The following ERBB4 variants were observed in gnomAD, a reference collection of about 807,000 sequenced individuals.
ERBB4 encodes the protein erb-b2 receptor tyrosine kinase 4.
Under a neutral mutation model 158.0 loss-of-function variants are expected in ERBB4, and 42 were observed. The ratio of observed to expected loss-of-function variants is 0.27; its 90% CI spans 0.21 to 0.34. The LOEUF (loss-of-function observed/expected upper bound fraction) is 0.34, where lower values mean the gene tolerates loss of function less well. ERBB4 is among the 10% of genes least tolerant of loss of function. The pLI, the probability that ERBB4 is intolerant of heterozygous loss-of-function variation, is 1.00. For missense variants in ERBB4, 1,333 were observed against 1,624.1 expected, an observed-to-expected ratio of 0.82 and a Z score of 3.08; for synonymous variants, 583 against 558.7, an observed-to-expected ratio of 1.04 and a Z score of -0.61.
intron 1 of ERBB4, among the ~76,000 whole-genome samples, chr2:212,371,746 G>C (rs989533579): frequency 5.3e-5 from 8 of 152,108 alleles, no homozygotes; most frequent in African/African-American, 1.9e-4. Flanking sequence ...TGAGGAACCT[G>C]AGGATCAGCG....
chr2:211,675,315 G>A (rs966497784), intron 13 of ERBB4, among the ~76,000 whole-genome samples: 4 of 152,146 alleles, frequency 2.6e-5, no homozygotes, highest in Non-Finnish European at 5.9e-5. Flanking sequence ...CTGGGATCTA[G>A]TTTTTCCAAA....
chr2:212,452,691 T>C (rs1189958076), intron 1 of ERBB4, among the ~76,000 whole-genome samples: 1 of 152,124 alleles, frequency 6.6e-6, no homozygotes, highest in African/African-American at 2.4e-5. Context: ...CATTTAAAAC[T>C]GCATCTTACA....
intron 1 of ERBB4, among the ~76,000 whole-genome samples, chr2:212,296,754 T>A (rs2086427530): frequency 6.6e-6 from 1 of 151,898 alleles, no homozygotes; most frequent in Non-Finnish European, 1.5e-5. Context: ...GACTTTTAGG[T>A]GTTCACTAAG....
At chr2:212,192,483 C>T (rs967025471) in intron 1 of ERBB4, among the ~76,000 whole-genome samples, 7 of 151,850 alleles carry the variant, frequency 4.6e-5, no homozygotes, top group Non-Finnish European at 7.4e-5. Flanking sequence ...TGTGGTTTTC[C>T]ATGTACATTT....
intron 18 of ERBB4, among the ~76,000 whole-genome samples, chr2:211,620,210 G>A (rs1481505628): frequency 8.5e-5 from 13 of 152,096 alleles, no homozygotes; most frequent in Non-Finnish European, 1.6e-4. Context: ...ATGAGAGCAT[G>A]AGGACAAAAA....
chr2:211,761,638 G>T (rs1235786442), intron 4 of ERBB4, among the ~76,000 whole-genome samples: 1 of 152,042 alleles, frequency 6.6e-6, no homozygotes, highest in Non-Finnish European at 1.5e-5. Flanking sequence ...AAGTTCAGCA[G>T]TAAATGGGTC....
At chr2:211,712,326 T>C (rs2073731856) in intron 8 of ERBB4, 150 bp from the exon 9 acceptor site, 1 of 777,268 alleles carries the variant, frequency 1.3e-6, no homozygotes, top group Non-Finnish European at 2.0e-6. Context: ...AAAATAATTA[T>C]TCATTCGTTC....
At chr2:212,537,538 C>T (rs1347255654) in intron 1 of ERBB4, among the ~76,000 whole-genome samples, 1 of 152,070 alleles carries the variant, frequency 6.6e-6, no homozygotes, top group African/African-American at 2.4e-5. Flanking sequence ...TCGAGCTCTC[C>T]AGCAAGCAGT....
intron 20 of ERBB4, among the ~76,000 whole-genome samples, chr2:211,547,254 G>T (rs1194588540): frequency 6.6e-6 from 1 of 152,014 alleles, no homozygotes; most frequent in Non-Finnish European, 1.5e-5. Flanking sequence ...ATAAAAAGCT[G>T]TATTTTTAAA....
chr2:211,755,802 C>T (rs1043221178), intron 4 of ERBB4, among the ~76,000 whole-genome samples: 2 of 152,194 alleles, frequency 1.3e-5, no homozygotes, highest in African/African-American at 4.8e-5. Flanking sequence ...GATTCACTGT[C>T]TACCTCTGTA....
intron 20 of ERBB4, among the ~76,000 whole-genome samples, chr2:211,506,626 T>C (rs1043834187): frequency 6.6e-6 from 1 of 151,936 alleles, no homozygotes; most frequent in African/African-American, 2.4e-5. Flanking sequence ...CAAAAGTACA[T>C]GGAAACTAAA....
intron 3 of ERBB4, among the ~76,000 whole-genome samples, chr2:211,875,025 C>CAA (rs746636278): frequency 0.01 from 279 of 26,890 alleles, no homozygotes; most frequent in East Asian, 0.018. Context: ...AATAGAAATG[C>CAA]AAAAAAAAAA....
At chr2:212,472,393 T>C (rs1689158856) in intron 1 of ERBB4, among the ~76,000 whole-genome samples, 1 of 151,850 alleles carries the variant, frequency 6.6e-6, no homozygotes, top group Non-Finnish European at 1.5e-5. Context: ...GAAAGTAATA[T>C]AGCTTATTTG....
intron 1 of ERBB4, among the ~76,000 whole-genome samples, chr2:212,196,445 G>GGAGGCAGGA (rs1354065719): frequency 2.6e-5 from 4 of 151,866 alleles, no homozygotes; most frequent in Non-Finnish European, 5.9e-5. Flanking sequence ...AGGTGAAAGG[G>GGAGGCAGGA]GAGGCAGGAG....
chr2:211,888,444 CATA>C (rs1222668992), intron 3 of ERBB4, among the ~76,000 whole-genome samples: 9 of 152,200 alleles, frequency 5.9e-5, no homozygotes, highest in Non-Finnish European at 8.8e-5. Flanking sequence ...TTCACAATGG[CATA>C]ATATTTGTCA....
At chr2:212,053,991 G>A (rs1027188718) in intron 2 of ERBB4, among the ~76,000 whole-genome samples, 3 of 152,142 alleles carry the variant, frequency 2.0e-5, no homozygotes, top group Admixed American at 6.5e-5. Context: ...TGGCAGCTGA[G>A]AGAGAACAGA....
At chr2:212,036,416 A>G (rs2077013817) in intron 2 of ERBB4, among the ~76,000 whole-genome samples, 1 of 152,058 alleles carries the variant, frequency 6.6e-6, no homozygotes, top group Non-Finnish European at 1.5e-5. Flanking sequence ...GCTTATACAT[A>G]CAGCATTATA....
intron 20 of ERBB4, among the ~76,000 whole-genome samples, chr2:211,493,222 C>A (rs1477193598): frequency 6.6e-6 from 1 of 152,014 alleles, no homozygotes; most frequent in African/African-American, 2.4e-5. Flanking sequence ...ATTATTTATA[C>A]CATACTTTTC....
At chr2:211,898,452 A>C (rs1327481460) in intron 3 of ERBB4, among the ~76,000 whole-genome samples, 1 of 152,170 alleles carries the variant, frequency 6.6e-6, no homozygotes, top group Non-Finnish European at 1.5e-5. Flanking sequence ...ATTTTCTTCA[A>C]GTGTCTATAC....
Sources: gnomAD v4.1 joint callset for allele counts (sites outside exome capture counted in the v4.1 genomes callset) on GRCh38, gnomAD v4.1.1 for gene constraint, MANE v1.5 for transcripts, NCBI Gene and HGNC (gene_info 2026-07-23, HGNC 2026-07-21) for gene names.